UBE3D: variants seen among roughly 807,000 people sequenced by gnomAD.
The protein encoded by UBE3D is ubiquitin protein ligase E3D.
In UBE3D, 48 loss-of-function variants were observed where a neutral mutation model predicts 49.6. The ratio of observed to expected loss-of-function variants is 0.97; its 90% CI spans 0.77 to 1.23. UBE3D has a LOEUF of 1.23. Ranked by LOEUF, UBE3D falls within the 50% of genes most tolerant of loss-of-function variation. The pLI is 0.00. For missense variants in UBE3D, 452 were observed against 468.4 expected (o/e 0.96, Z 0.32); for synonymous variants, 189 against 174.2 (o/e 1.08, Z -0.67).
rs80082173 is a variant in UBE3D, at chr6:82,894,783, T to C, written c.1150-1741A>G. 2.9e-4 allele frequency among the ~76,000 whole-genome samples: 44 copies of C among 152,264 alleles called. No individual in the cohort carries two copies. In the East Asian group the frequency reaches 8.3e-3, roughly 29 times the overall value. The stretch of plus-strand genomic sequence containing the variant: ...GAAGTCATTGAGTCTGACTTAGGGC[T>C]CACTGTGGGCAGCATCCCTGGCAGG... On this transcript the variant is annotated intron_variant, in intron 9 of 9. Transcript: ENST00000369747.
At chr6:82,944,618 G>A (rs1167743145) in intron 9 of UBE3D, among the ~76,000 whole-genome samples, 2 of 152,194 alleles carry the variant, frequency 1.3e-5, no homozygotes, top group Admixed American at 6.5e-5. Context: ...TGCACTTTAG[G>A]TACTAGCTTG....
Position 83,022,109 on chromosome 6 carries a change from C to T in UBE3D, c.846+344G>A, listed in dbSNP as rs1396069569. Among the ~76,000 whole-genome samples, 3 of 152,222 alleles carry T rather than the reference C, an allele frequency of 2.0e-5. No homozygotes were observed. The East Asian group carries it at 5.8e-4, about 30-fold the overall frequency. ...CGGCACCATCTTGGCTCAATGCAACCTCCACCTCCTGAGTTCAAGCGATTC... is the reference window on the plus strand; with the variant it reads ...CGGCACCATCTTGGCTCAATGCAACTTCCACCTCCTGAGTTCAAGCGATTC... On this transcript the variant is annotated intron_variant, in intron 7 of 9. Transcript: ENST00000369747.
intron 4 of UBE3D, among the ~76,000 whole-genome samples, chr6:83,043,947 A>G (rs1319130105): frequency 1.3e-5 from 2 of 152,078 alleles, no homozygotes; most frequent in Non-Finnish European, 2.9e-5. Context: ...CTTTATCTCC[A>G]TTCCTGGGCT....
intron 8 of UBE3D, among the ~76,000 whole-genome samples, chr6:82,976,885 C>T (rs938813417): frequency 6.6e-5 from 10 of 151,858 alleles, no homozygotes; most frequent in African/African-American, 1.2e-4. Flanking sequence ...GAGGCCGAGG[C>T]GGGCAGATCA....
rs756354712 is a variant in UBE3D, at chr6:82,972,425, A to G, written c.1011-14975T>C. The stretch of plus-strand genomic sequence containing the variant: ...GACTAAGAATTCTGTCCCTCCCTCC[A>G]TGGGAAGAGATGAGAATCCAAATAC... On this transcript the variant is annotated intron_variant, in intron 8 of 9. Coordinates refer to ENST00000369747, the MANE Select transcript of UBE3D (RefSeq NM_198920.3). Among the ~76,000 whole-genome samples the G allele has an allele frequency of 5.1e-4, 77 of 152,128 alleles. 3 individuals carry two copies. Among genetic ancestry groups the G allele is most frequent in the Non-Finnish European group, 2.1e-4 (14 of 68,004 alleles).
At chr6:83,063,433 A>AAAAAG (rs1562242234) in intron 1 of UBE3D, among the ~76,000 whole-genome samples, 4 of 150,584 alleles carry the variant, frequency 2.7e-5, no homozygotes, top group African/African-American at 9.7e-5. Context: ...AAAAAAAAAA[A>AAAAAG]AAAAGAAAAG....
At chr6:83,065,226 T>A (rs566549883) in intron 1 of UBE3D, among the ~76,000 whole-genome samples, 3 of 152,288 alleles carry the variant, frequency 2.0e-5, no homozygotes, top group African/African-American at 7.2e-5. Context: ...GAAGCTCACA[T>A]AGGAACTGAT....
At chr6:82,897,499 G>A (rs1203872905) in intron 9 of UBE3D, among the ~76,000 whole-genome samples, 1 of 152,114 alleles carries the variant, frequency 6.6e-6, no homozygotes, top group East Asian at 1.9e-4. Context: ...GCTGAGGCAG[G>A]AGAATCACTT....
At chr6:82,963,914 C>G (rs769978324) in intron 8 of UBE3D, among the ~76,000 whole-genome samples, 1 of 152,192 alleles carries the variant, frequency 6.6e-6, no homozygotes, top group Non-Finnish European at 1.5e-5. Flanking sequence ...AAAGACATCA[C>G]AGACTATTGG....
intron 9 of UBE3D, among the ~76,000 whole-genome samples, chr6:82,950,930 A>C (rs1389182519): frequency 6.6e-6 from 1 of 152,016 alleles, no homozygotes; most frequent in Admixed American, 6.6e-5. Flanking sequence ...GGAGACAGAG[A>C]GTAGAAAGAT....
chr6:83,026,065 T>C (rs1396047599), intron 5 of UBE3D, among the ~76,000 whole-genome samples: 1 of 152,002 alleles, frequency 6.6e-6, no homozygotes, highest in Non-Finnish European at 1.5e-5. Context: ...ATGGGTTAAA[T>C]ATTCAGGCAA....
chr6:82,929,535 G>A (rs1361964801), intron 9 of UBE3D, among the ~76,000 whole-genome samples: 4 of 151,710 alleles, frequency 2.6e-5, no homozygotes, highest in Non-Finnish European at 5.9e-5. Flanking sequence ...GTCTAGCAAA[G>A]TCTAAGTACT....
intron 5 of UBE3D, among the ~76,000 whole-genome samples, chr6:83,035,579 T>C (rs1782191305): frequency 6.6e-6 from 1 of 152,174 alleles, no homozygotes; most frequent in Admixed American, 6.5e-5. Flanking sequence ...AGTTCAATGC[T>C]ATTCTAATTC....
At chr6:82,891,536 G>A (rs1024529184), downstream of UBE3D, among the ~76,000 whole-genome samples, 14 of 152,254 alleles carry the variant, frequency 9.2e-5, no homozygotes, top group African/African-American at 2.9e-4. Flanking sequence ...GAACTTCAAC[G>A]TTTCAAACTG....
Position 83,025,562 on chromosome 6 carries a change from G to C in UBE3D, c.668-1524C>G, listed in dbSNP as rs529537942. On this transcript the variant is annotated intron_variant, in intron 5 of 9. Coordinates refer to ENST00000369747, the MANE Select transcript of UBE3D (RefSeq NM_198920.3). Reference sequence around the variant, plus strand: ...GAGAACAGAAAATGACAGACTTCCGGAAAGCCACTTGGCAAAGGCCTTAAA... The same window carrying C: ...GAGAACAGAAAATGACAGACTTCCGCAAAGCCACTTGGCAAAGGCCTTAAA... 2.6e-5 allele frequency among the ~76,000 whole-genome samples: 4 copies of C among 152,160 alleles called. No homozygotes were observed. In the East Asian group the frequency reaches 5.8e-4, roughly 22 times the overall value.
rs535550400 is a variant in UBE3D at position 83,041,951 on chromosome 6, C to T, written c.597+2477G>A. ...TTTTAGACAGTGTCTCGCTCTGTCACCAGGCTGGAGTGCAGTGGTGCAATC... is the reference window on the plus strand; with the variant it reads ...TTTTAGACAGTGTCTCGCTCTGTCATCAGGCTGGAGTGCAGTGGTGCAATC... On this transcript the variant is annotated intron_variant, in intron 4 of 9. Transcript: ENST00000369747. Among the ~76,000 whole-genome samples the T allele has an allele frequency of 1.4e-4, 22 of 152,106 alleles. No individual in the cohort carries two copies. The South Asian group carries it at 3.5e-3, about 24-fold the overall frequency.
intron 8 of UBE3D, among the ~76,000 whole-genome samples, chr6:82,967,280 CA>C (rs774185763): frequency 4.6e-5 from 7 of 152,134 alleles, no homozygotes; most frequent in Non-Finnish European, 8.8e-5. Flanking sequence ...TATAATTCAC[CA>C]ACCTTTTTTA....
In UBE3D at chr6:82,893,055, G is replaced by T. The variant is rs567386477; in HGVS notation, c.1150-13C>A. On this transcript the variant is annotated splice_polypyrimidine_tract_variant and intron_variant, in intron 9 of 9. Transcript: ENST00000369747. ...TCAAAAAGGCCACCTGGAGAAGGAAGAAAAACCCACAATGCTTTACTTCTA... is the reference window on the plus strand; with the variant it reads ...TCAAAAAGGCCACCTGGAGAAGGAATAAAAACCCACAATGCTTTACTTCTA... 26 of 1,613,214 alleles carry T rather than the reference G, an allele frequency of 1.6e-5. No individual in the cohort carries two copies. In the Admixed American group the frequency reaches 4.0e-4, roughly 25 times the overall value.
At chr6:83,046,244 TAACAATTCC>T (rs1783022671) in intron 3 of UBE3D, among the ~76,000 whole-genome samples, 1 of 152,090 alleles carries the variant, frequency 6.6e-6, no homozygotes, top group East Asian at 1.9e-4. Context: ...TTTTTTTTTT[TAACAATTCC>T]CCCATGTTAA....
Sources: allele counts gnomAD v4.1 joint callset (sites outside exome capture counted in the v4.1 genomes callset), GRCh38; gene constraint gnomAD v4.1.1; transcripts MANE v1.5; gene names NCBI Gene and HGNC (gene_info 2026-07-23, HGNC 2026-07-21).